SYNE3: variants seen among roughly 807,000 people sequenced by gnomAD.
SYNE3 encodes spectrin repeat containing nuclear envelope family member 3, also known as nesprin-3.
A neutral mutation model predicts 111.2 loss-of-function variants in SYNE3; 100 were observed. The observed-to-expected ratio is 0.90, with a 90% CI of 0.77 to 1.06. SYNE3 has a LOEUF of 1.06. Ranked by LOEUF, SYNE3 falls within the 50% of genes least tolerant of loss-of-function variation. The pLI is 0.00. For missense variants in SYNE3, 1,160 were observed against 1,240.3 expected (o/e 0.94, Z 0.97); for synonymous variants, 547 against 533.9 (o/e 1.02, Z -0.34).
chr14:95,504,992 T>C (rs1210619952), intron 1 of SYNE3, among the ~76,000 whole-genome samples: 3 of 152,240 alleles, frequency 2.0e-5, no homozygotes, highest in Non-Finnish European at 4.4e-5. Flanking sequence ...ATTCTGTTCC[T>C]GTTTCCCTTC....
At chr14:95,486,879 C>A (rs1201072804) in intron 1 of SYNE3, among the ~76,000 whole-genome samples, 1 of 152,136 alleles carries the variant, frequency 6.6e-6, no homozygotes, top group Non-Finnish European at 1.5e-5. Flanking sequence ...AGGTGAGGGA[C>A]CCCAGCCTGA....
rs1253682354 is a variant in SYNE3, at chr14:95,411,261, A to G, written c.*6565T>C. 1 of 151,526 alleles carries G rather than the reference A, an allele frequency of 6.6e-6. No individual in the cohort carries two copies. The highest frequency in any genetic ancestry group is 1.5e-5 in the Non-Finnish European group (1 of 67,974). The allele number at this position is 151,526 out of a possible 1,614,324, so 9.4% of individuals were successfully genotyped here. A position where few individuals can be genotyped will look rare whatever the true frequency, so the allele number is the denominator to read the frequency against. ...TTCTGGGGCTAGTTTGTCTCACCCA[A>G]TTACTAGATGAAGGAAAAATGATTT... On this transcript the variant is annotated 3_prime_UTR_variant, in exon 18 of 18. Transcript: ENST00000682763.
At chr14:95,492,872 T>A (rs188578784) in intron 1 of SYNE3, among the ~76,000 whole-genome samples, 283 of 152,254 alleles carry the variant, frequency 1.9e-3, no homozygotes, top group Non-Finnish European at 3.7e-3. Flanking sequence ...AAGCACTGAA[T>A]TGTACACTTT....
At chr14:95,463,751 C>A (rs1887991823) in intron 4 of SYNE3, among the ~76,000 whole-genome samples, 1 of 152,242 alleles carries the variant, frequency 6.6e-6, no homozygotes, top group African/African-American at 2.4e-5. Context: ...CCTCCTGTGG[C>A]TCCTCTCTGG....
chr14:95,473,779 G>GTGGCTGGAGCTAAGGCTGT (rs1888695417), intron 2 of SYNE3, among the ~76,000 whole-genome samples: 1 of 103,802 alleles, frequency 9.6e-6, no homozygotes, highest in Non-Finnish European at 2.0e-5. Context: ...GCTCAGGCCA[G>GTGGCTGGAGCTAAGGCTGT]TGTGAGCTTG....
intron 11 of SYNE3, 107 bp downstream of exon 11, chr14:95,443,048 G>A (rs1886493539): frequency 3.6e-6 from 5 of 1,376,000 alleles, no homozygotes; most frequent in East Asian, 2.3e-5. Context: ...AGAAAAAAGA[G>A]AGGTTAGAAG....
In SYNE3 at chr14:95,423,047, G is replaced by A. The variant is rs959866662; in HGVS notation, c.2728-5021C>T. Among the ~76,000 whole-genome samples, 7 of 152,346 alleles carry A rather than the reference G, an allele frequency of 4.6e-5. No homozygotes were observed. The South Asian group carries it at 1.0e-3, about 23-fold the overall frequency. ...CTCCCCGTAAGAACTCAGAGGCTCT[G>A]GGAATTTCCCACACGTGGACACGAT... On this transcript the variant is annotated intron_variant, in intron 17 of 17. Transcript: ENST00000682763.
At position 95,417,754 on chromosome 14, in the gene SYNE3, G is replaced by C; in HGVS notation, c.*72C>G. ...CCTGCCCCTGTTTCCAGTTTCCCTG[G>C]CGAGCATCCTCAGGAGGGGCCCTGG... On this transcript the variant is annotated 3_prime_UTR_variant, in exon 18 of 18. Transcript: ENST00000682763. 6.6e-7 allele frequency: 1 copy of C among 1,524,410 alleles called. No individual in the cohort carries two copies. The highest frequency in any genetic ancestry group is 2.3e-5 in the East Asian group (1 of 44,342). 94.4% of individuals were successfully genotyped at this position (1,524,410 alleles called of 1,614,324 possible).
At chr14:95,512,645 G>A (rs971249491) in intron 1 of SYNE3, among the ~76,000 whole-genome samples, 1 of 151,474 alleles carries the variant, frequency 6.6e-6, no homozygotes, top group African/African-American at 2.4e-5. Flanking sequence ...GAGGTCAGGA[G>A]ATCAAGACCA....
chr14:95,481,137 C>A (rs181934828), intron 1 of SYNE3, among the ~76,000 whole-genome samples: 1 of 152,228 alleles, frequency 6.6e-6, no homozygotes, highest in Non-Finnish European at 1.5e-5. Flanking sequence ...GATAAGAATG[C>A]GCAGACTGCA....
intron 1 of SYNE3, among the ~76,000 whole-genome samples, chr14:95,496,756 T>G (rs184142689): frequency 1.2e-4 from 19 of 152,346 alleles, no homozygotes; most frequent in African/African-American, 4.6e-4. Flanking sequence ...AACCACTTCC[T>G]TTTTCTTGGA....
rs368622752 is a variant in SYNE3 at position 95,466,053 on chromosome 14, G to A, written c.505C>T (p.Leu169Phe). 107 of 1,613,102 alleles carry A rather than the reference G, an allele frequency of 6.6e-5. No homozygotes were observed. The highest frequency in any genetic ancestry group is 8.9e-5 in the Non-Finnish European group (105 of 1,179,226). Residue 169 changes from leucine to phenylalanine, a missense_variant, in exon 4 of 18, where the codon CTC (leucine) becomes TTC (phenylalanine). Transcript: ENST00000682763. ...GCCTCCTCCAGCAGCCGGTCCAGGA[G>A]CACCGCCTGGTTGTCCACGTTGTGC... The part of the protein sequence containing the change: ...LLHNVDNQAV[L>F]LDRLLEEAAS...
chr14:95,507,671 A>G (rs1890577047), intron 1 of SYNE3, among the ~76,000 whole-genome samples: 1 of 152,248 alleles, frequency 6.6e-6, no homozygotes. Flanking sequence ...TGAGTTTGAA[A>G]TCAGCAAACA....
intron 17 of SYNE3, among the ~76,000 whole-genome samples, chr14:95,430,589 C>T (rs1222316045): frequency 5.9e-5 from 9 of 152,032 alleles, no homozygotes; most frequent in Non-Finnish European, 2.9e-5. Context: ...TTTGGGAGGC[C>T]GAAGAGGGTG....
rs571392982 is a variant in SYNE3 at position 95,444,699 on chromosome 14, G to A, written c.1633-71C>T. 2.7e-5 allele frequency: 39 copies of A among 1,469,184 alleles called. No homozygotes were observed. The South Asian group carries it at 4.1e-4, about 15-fold the overall frequency. The allele number at this position is 1,469,184 out of a possible 1,614,324, so 91.0% of individuals were successfully genotyped here. A position where few individuals can be genotyped will look rare whatever the true frequency, so the allele number is the denominator to read the frequency against. On this transcript the variant is annotated intron_variant, in intron 9 of 17. Coordinates refer to ENST00000682763, the MANE Select transcript of SYNE3 (RefSeq NM_152592.6). ...AGCACCGTGTTGTGAGACCCGACCC[G>A]TTCAGCCAGGCTGCTCTTCGTCTCG...
chr14:95,446,111 C>T lies in SYNE3; in HGVS notation c.1450-20G>A, dbSNP rs560371407. 1.3e-5 allele frequency: 21 copies of T among 1,613,130 alleles called. No homozygotes were observed. The highest frequency in any genetic ancestry group is 2.7e-5 in the African/African-American group (2 of 75,016). On this transcript the variant is annotated intron_variant, in intron 8 of 17. Transcript: ENST00000682763. ...GGCTGCCTGTGGGAGACAAGGCTTC[C>T]GTGAACCACAGACCGGGCAGGACAC...
At chr14:95,444,425 T>C (rs776115855) in intron 10 of SYNE3, 60 bp downstream of exon 10, 2 of 1,519,470 alleles carry the variant, frequency 1.3e-6, no homozygotes, top group East Asian at 4.6e-5. Flanking sequence ...AGGGAGACGC[T>C]GCTTCCAGGT....
At chr14:95,477,871 G>C (rs771124645) in intron 1 of SYNE3, among the ~76,000 whole-genome samples, 3 of 152,212 alleles carry the variant, frequency 2.0e-5, no homozygotes, top group Non-Finnish European at 2.9e-5. Flanking sequence ...TTCTCAGCTA[G>C]TGTGTGACTT....
chr14:95,449,420 G>A (rs1344910362), intron 8 of SYNE3: 3 of 985,302 alleles, frequency 3.0e-6, no homozygotes, highest in Non-Finnish European at 3.6e-6. Context: ...GCTCCATCCG[G>A]AGCCAGTTGT....
Sources: gnomAD v4.1 joint callset for allele counts (sites outside exome capture counted in the v4.1 genomes callset) on GRCh38, gnomAD v4.1.1 for gene constraint, MANE v1.5 for transcripts, NCBI Gene and HGNC (gene_info 2026-07-23, HGNC 2026-07-21) for gene names.